COL4A4: variants seen among roughly 807,000 people sequenced by gnomAD.
COL4A4 encodes collagen type IV alpha 4 chain.
COL4A4 carries 105 observed loss-of-function variants against 192.9 expected under a neutral mutation model. The observed-to-expected ratio is 0.54, with a 90% confidence interval of 0.46 to 0.64. The LOEUF (loss-of-function observed/expected upper bound fraction) is 0.64, where lower values mean the gene tolerates loss of function less well. Ranked by LOEUF, COL4A4 falls within the 30% of genes least tolerant of loss-of-function variation. The pLI, the probability that COL4A4 is intolerant of heterozygous loss-of-function variation, is 0.00. For synonymous variants in COL4A4, 762 were observed against 769.9 expected (o/e 0.99, Z 0.17); for missense variants, 1,967 against 2,169.3 (o/e 0.91, Z 1.85).
chr2:227,106,234 A>G (rs576714172), intron 12 of COL4A4, among the ~76,000 whole-genome samples: 33 of 152,304 alleles, frequency 2.2e-4, no homozygotes, highest in Admixed American at 8.5e-4. Flanking sequence ...TTAACAAAAC[A>G]TGAGTAAAAG....
chr2:227,139,518 C>A (rs1273304011), intron 4 of COL4A4, among the ~76,000 whole-genome samples: 1 of 152,130 alleles, frequency 6.6e-6, no homozygotes, highest in Non-Finnish European at 1.5e-5. Context: ...CTTGGCTTTG[C>A]AGAACAGAGA....
chr2:227,062,441 G>A, intron 26 of COL4A4, 89 bp downstream of exon 26: 1 of 835,218 alleles, frequency 1.2e-6, no homozygotes. Context: ...TAACTAGTCT[G>A]AGGATTCACT....
intron 1 of COL4A4, among the ~76,000 whole-genome samples, chr2:227,159,380 T>C (rs752561367): frequency 8.5e-5 from 13 of 152,242 alleles, no homozygotes; most frequent in Non-Finnish European, 1.8e-4. Flanking sequence ...AGAAAAATAC[T>C]GCAGCTTGAT....
At chr2:227,065,718 C>T (rs1368030016) in intron 25 of COL4A4, among the ~76,000 whole-genome samples, 1 of 152,240 alleles carries the variant, frequency 6.6e-6, no homozygotes, top group African/African-American at 2.4e-5. Flanking sequence ...ACCAAAAACC[C>T]ATCTCTACAT....
At chr2:227,019,808 C>T (rs57292660) in intron 44 of COL4A4, among the ~76,000 whole-genome samples, 2,446 of 152,324 alleles carry the variant, frequency 0.016, 71 homozygotes, top group African/African-American at 0.056. Context: ...GCTGGGATTA[C>T]AGGCATCTGC....
chr2:227,018,226 T>C (rs1204763836), intron 44 of COL4A4, among the ~76,000 whole-genome samples: 1 of 151,916 alleles, frequency 6.6e-6, no homozygotes, highest in African/African-American at 2.4e-5. Context: ...CTTGCAACTC[T>C]TTTGTTTTGT....
chr2:226,982,126 G>A, the COL4A4 span, among the ~76,000 whole-genome samples: 13 of 152,338 alleles, frequency 8.5e-5, no homozygotes, highest in South Asian at 1.9e-3. Flanking sequence ...CTGGCCACAG[G>A]CCTCACATGT....
chr2:226,985,992 A>T, the COL4A4 span, among the ~76,000 whole-genome samples: 1 of 152,280 alleles, frequency 6.6e-6, no homozygotes, highest in South Asian at 2.1e-4. Context: ...TAAGTGGTCA[A>T]GGTTAATGTC....
At position 227,008,023 on chromosome 2, in the gene COL4A4, GGAATGAA is replaced by G; in HGVS notation, c.4797_4803del (p.Ser1600Ter). 1 of 1,610,812 alleles carries G rather than the reference GGAATGAA, an allele frequency of 6.2e-7. No homozygotes were observed. The highest frequency in any genetic ancestry group is 8.5e-7 in the Non-Finnish European group (1 of 1,180,000). ...TTCAAGGGCACGGGACTCACCATCA[GGAATGAA>G]TACCCGATCCAGAGGCTCCTCCAGG... On this transcript the variant is annotated frameshift_variant, in exon 47 of 48. Coordinates refer to ENST00000396625, the MANE Select transcript of COL4A4 (RefSeq NM_000092.5). LOFTEE classifies it high-confidence loss of function.
At chr2:227,104,191 A>T (rs752050880) in intron 12 of COL4A4, 139 bp from the exon 13 acceptor site, 1 of 726,810 alleles carries the variant, frequency 1.4e-6, no homozygotes, top group Non-Finnish European at 2.4e-6. Flanking sequence ...ACATCATAGA[A>T]TATAAAAGGA....
chr2:227,065,574 G>C (rs556779826), intron 25 of COL4A4, among the ~76,000 whole-genome samples: 185 of 152,320 alleles, frequency 1.2e-3, no homozygotes, highest in African/African-American at 4.2e-3. Context: ...CCTGACCCCT[G>C]ACCCCCGAGC....
At chr2:227,108,143 G>A (rs10174101) in intron 12 of COL4A4, among the ~76,000 whole-genome samples, 15,389 of 152,112 alleles carry the variant, frequency 0.1, 1,280 homozygotes, top group East Asian at 0.32. Context: ...GGGAGGAGAC[G>A]GGGAGGACAG....
chr2:226,982,890 A>G, the COL4A4 span, among the ~76,000 whole-genome samples: 1 of 152,238 alleles, frequency 6.6e-6, no homozygotes, highest in Non-Finnish European at 1.5e-5. Flanking sequence ...GTGTCATCAC[A>G]AATAGAATTT....
chr2:227,145,292 C>T (rs1281307374), intron 2 of COL4A4, among the ~76,000 whole-genome samples: 1 of 151,972 alleles, frequency 6.6e-6, no homozygotes, highest in Non-Finnish European at 1.5e-5. Context: ...TACTAAAATA[C>T]AAAAATTAGC....
intron 37 of COL4A4, among the ~76,000 whole-genome samples, chr2:227,035,418 GCA>G (rs1483206189): frequency 2.0e-5 from 3 of 151,668 alleles, no homozygotes; most frequent in Non-Finnish European, 4.4e-5. Flanking sequence ...TTAGAAGCTG[GCA>G]CAGTTAGTTG....
At chr2:227,112,231 A>T (rs904022921) in intron 8 of COL4A4, among the ~76,000 whole-genome samples, 1 of 152,118 alleles carries the variant, frequency 6.6e-6, no homozygotes, top group Non-Finnish European at 1.5e-5. Context: ...CTCTTTTTTT[A>T]AAATGTAAAA....
In COL4A4 at chr2:227,047,455, A is replaced by T; in HGVS notation, c.3289+20T>A. On this transcript the variant is annotated intron_variant, in intron 35 of 47. Coordinates refer to ENST00000396625, the MANE Select transcript of COL4A4 (RefSeq NM_000092.5). ...CTAAACTACTTTTTTTGTTTTAGTA[A>T]GAAAAATATGCAGCTATACCTGGAC... 6.3e-7 allele frequency: 1 copy of T among 1,597,884 alleles called. No homozygotes were observed. Among genetic ancestry groups the T allele is most frequent in the Admixed American group, 1.7e-5 (1 of 59,912 alleles).
the COL4A4 span, among the ~76,000 whole-genome samples, chr2:226,991,212 C>T: frequency 4.6e-5 from 7 of 152,194 alleles, no homozygotes; most frequent in Non-Finnish European, 8.8e-5. Context: ...GACAGAGTCT[C>T]ACTCTGTTGC....
intron 43 of COL4A4, among the ~76,000 whole-genome samples, chr2:227,024,913 A>G (rs1966721071): frequency 6.6e-6 from 1 of 150,424 alleles, no homozygotes; most frequent in Non-Finnish European, 1.5e-5. Context: ...GGTGCTTCCT[A>G]TTTAGAATTT....
Sources: allele counts gnomAD v4.1 joint callset (sites outside exome capture counted in the v4.1 genomes callset), GRCh38; gene constraint gnomAD v4.1.1; transcripts MANE v1.5; gene names NCBI Gene and HGNC (gene_info 2026-07-23, HGNC 2026-07-21).